CEP112: variants seen among roughly 807,000 people sequenced by gnomAD.
The protein encoded by CEP112 is centrosomal protein 112.
Under a neutral mutation model 153.0 loss-of-function variants are expected in CEP112, and 127 were observed. That is an observed-to-expected ratio of 0.83 (90% CI 0.72 to 0.96). The LOEUF (loss-of-function observed/expected upper bound fraction) is 0.96, where lower values mean the gene tolerates loss of function less well. CEP112 is among the 40% of genes least tolerant of loss of function. The probability of loss-of-function intolerance (pLI) is 0.00; values close to 1 mark genes in which losing one functional copy is unlikely to be tolerated. For missense variants in CEP112, 1,089 were observed against 1,101.2 expected (o/e 0.99, Z 0.16); for synonymous variants, 358 against 374.4 (o/e 0.96, Z 0.51).
Position 65,980,211 on chromosome 17 carries a change from G to A in CEP112, c.1737-18613C>T, listed in dbSNP as rs150570081. Among the ~76,000 whole-genome samples the A allele has an allele frequency of 1.2e-3, 187 of 152,192 alleles. 2 individuals are homozygous for A. The East Asian group carries it at 0.02, about 16-fold the overall frequency. On this transcript the variant is annotated intron_variant, in intron 17 of 26. Coordinates refer to ENST00000535342, the MANE Select transcript of CEP112 (RefSeq NM_001199165.4). ...GTTTCTTCAAAGTCCCTCGACATTT[G>A]TGTATTCTACAACTAAAATGAATAA...
intron 21 of CEP112, among the ~76,000 whole-genome samples, chr17:65,780,107 T>C (rs2053917815): frequency 6.6e-6 from 1 of 152,136 alleles, no homozygotes; most frequent in Non-Finnish European, 1.5e-5. Flanking sequence ...TTTTATAATA[T>C]TTATTTAATG....
chr17:66,069,818 A>T, intron 9 of CEP112, 97 bp downstream of exon 9: 1 of 651,952 alleles, frequency 1.5e-6, no homozygotes. Context: ...AAGTGGATGG[A>T]TGGTTGGAAG....
At chr17:66,188,280 C>CACAGAA (rs2073015346) in intron 1 of CEP112, among the ~76,000 whole-genome samples, 1 of 63,750 alleles carries the variant, frequency 1.6e-5, no homozygotes, top group South Asian at 3.5e-4. Context: ...TCACACCACA[C>CACAGAA]ACACAAACAC....
intron 24 of CEP112, chr17:65,654,904 A>G: frequency 1.8e-6 from 1 of 562,256 alleles, no homozygotes; most frequent in South Asian, 1.5e-5. Flanking sequence ...GGCAGCAAAG[A>G]CTCAGAAGAG....
intron 4 of CEP112, among the ~76,000 whole-genome samples, chr17:66,146,533 TAC>T (rs1426167734): frequency 2.0e-5 from 3 of 152,136 alleles, no homozygotes; most frequent in Non-Finnish European, 4.4e-5. Flanking sequence ...ACACAAAATT[TAC>T]AGTCTTAATC....
At chr17:66,049,991 T>C (rs1273896800) in intron 12 of CEP112, among the ~76,000 whole-genome samples, 1 of 142,734 alleles carries the variant, frequency 7.0e-6, no homozygotes, top group Admixed American at 7.8e-5. Context: ...ATAATGATTG[T>C]AAATACTCAG....
chr17:65,775,163 G>A (rs1022315003), intron 21 of CEP112, among the ~76,000 whole-genome samples: 3 of 151,982 alleles, frequency 2.0e-5, no homozygotes, highest in Admixed American at 6.5e-5. Context: ...ACCTGAAGCC[G>A]TAGCAAGCTC....
At chr17:65,832,785 C>A (rs1250479855) in intron 21 of CEP112, among the ~76,000 whole-genome samples, 1 of 152,012 alleles carries the variant, frequency 6.6e-6, no homozygotes, top group Non-Finnish European at 1.5e-5. Context: ...CACAGAAGAG[C>A]TGCTACCATT....
At chr17:66,058,984 AAG>A (rs2066817138) in intron 11 of CEP112, among the ~76,000 whole-genome samples, 1 of 152,182 alleles carries the variant, frequency 6.6e-6, no homozygotes, top group Middle Eastern at 3.2e-3. Context: ...GATGAAACAG[AAG>A]AGAGAACCCA....
Position 66,164,886 on chromosome 17 carries a change from ATGTGTG to A in CEP112, c.470+10152_470+10157del, listed in dbSNP as rs57252258. On this transcript the variant is annotated intron_variant, in intron 4 of 26. Coordinates refer to ENST00000535342, the MANE Select transcript of CEP112 (RefSeq NM_001199165.4). Reference sequence around the variant, plus strand: ...AATATATATATATATACACACATATATGTGTGTGTGTGTGTGTGTGTGTGTGTGTGT... The same window carrying A: ...AATATATATATATATACACACATATATGTGTGTGTGTGTGTGTGTGTGTGT... 6.4e-3 allele frequency among the ~76,000 whole-genome samples: 880 copies of A among 137,500 alleles called. 8 individuals carry two copies. The highest frequency in any genetic ancestry group is 0.016 in the African/African-American group (590 of 36,516). The allele number at this position is 137,500 out of a possible 152,430, so 90.2% of individuals were successfully genotyped here.
At chr17:65,655,464 T>G (rs1242938519) in intron 24 of CEP112, 4 of 932,708 alleles carry the variant, frequency 4.3e-6, no homozygotes, top group Non-Finnish European at 6.9e-6. Context: ...GGCCACAGTG[T>G]TTATGTACTC....
intron 19 of CEP112, among the ~76,000 whole-genome samples, chr17:65,926,637 C>T (rs894319950): frequency 7.9e-5 from 12 of 152,040 alleles, no homozygotes; most frequent in African/African-American, 1.2e-4. Flanking sequence ...CGCTTGAACC[C>T]GAGAGGTGGC....
rs117014060 is a variant in CEP112, at chr17:65,795,032, G to A, written c.2395-44308C>T. On this transcript the variant is annotated intron_variant, in intron 21 of 26. Coordinates refer to ENST00000535342, the MANE Select transcript of CEP112 (RefSeq NM_001199165.4). ...GAAAGAACGAATAAACTAAGTGCTA[G>A]GCATATAAAGCCCTTTAATATATAC... is the stretch of plus-strand genomic sequence containing the variant. 1.6e-4 allele frequency among the ~76,000 whole-genome samples: 25 copies of A among 152,304 alleles called. No individual in the cohort carries two copies. In the East Asian group the frequency reaches 3.3e-3, roughly 20 times the overall value.
chr17:65,957,146 T>G (rs1214007797), intron 18 of CEP112, among the ~76,000 whole-genome samples: 1 of 152,178 alleles, frequency 6.6e-6, no homozygotes, highest in Non-Finnish European at 1.5e-5. Context: ...TGATGGAAGG[T>G]AACTGAAACC....
chr17:66,104,796 T>C (rs1394720900), intron 6 of CEP112, among the ~76,000 whole-genome samples: 1 of 152,098 alleles, frequency 6.6e-6, no homozygotes, highest in Non-Finnish European at 1.5e-5. Context: ...GAGGAAGAAA[T>C]GCTTTTATCC....
rs2057941656 is a variant in CEP112 at position 65,851,815 on chromosome 17, T to C, written c.2383A>G (p.Thr795Ala). ...GTTAAATATCTTACCTTTTCCAGTG[T>C]CATCTCTGTCTCAGCAGCATGAGTC... ...KKTHAAETEMTLEKANSKLKQ... is the reference protein window; with the variant it reads ...KKTHAAETEMALEKANSKLKQ... The change falls in exon 21 of 27, where the codon ACA (threonine) becomes GCA (alanine). Residue 795 changes from threonine (T) to alanine (A), a missense_variant. Physicochemically the swap from Thr to Ala is moderately conservative, Grantham distance 58. Transcript: ENST00000535342. The C allele has an allele frequency of 6.2e-7, 1 of 1,611,092 alleles. No homozygotes were observed. The highest frequency in any genetic ancestry group is 8.5e-7 in the Non-Finnish European group (1 of 1,178,780).
chr17:65,967,732 C>T (rs1474455024), intron 17 of CEP112, among the ~76,000 whole-genome samples: 1 of 152,012 alleles, frequency 6.6e-6, no homozygotes, highest in African/African-American at 2.4e-5. Context: ...AAGTTTTAAA[C>T]AGTTTAAAGT....
chr17:66,171,948 A>C (rs2072260160), intron 4 of CEP112, among the ~76,000 whole-genome samples: 1 of 152,138 alleles, frequency 6.6e-6, no homozygotes, highest in African/African-American at 2.4e-5. Flanking sequence ...GCTATAAACT[A>C]CATCTAAGCT....
chr17:66,153,103 C>A (rs200359527), intron 4 of CEP112, among the ~76,000 whole-genome samples: 2 of 152,102 alleles, frequency 1.3e-5, no homozygotes, highest in African/African-American at 4.8e-5. Flanking sequence ...AATGGGGATA[C>A]AAAATGGAAC....
Sources: allele counts gnomAD v4.1 joint callset (sites outside exome capture counted in the v4.1 genomes callset), GRCh38; gene constraint gnomAD v4.1.1; transcripts MANE v1.5; gene names NCBI Gene and HGNC (gene_info 2026-07-23, HGNC 2026-07-21).